The following PIK3C2G variants were observed in gnomAD, a reference collection of about 807,000 sequenced individuals.
PIK3C2G encodes the protein phosphatidylinositol-4-phosphate 3-kinase catalytic subunit type 2 gamma, also known as phosphatidylinositol 3-kinase C2 domain-containing subunit gamma.
PIK3C2G carries 168 observed loss-of-function variants against 181.1 expected under a neutral mutation model. The ratio of observed to expected loss-of-function variants is 0.93; its 90% CI spans 0.82 to 1.05. The LOEUF (loss-of-function observed/expected upper bound fraction) is 1.05. Among genes scored for constraint, PIK3C2G ranks in the 50% least tolerant of loss-of-function variants. The pLI, the probability that PIK3C2G is intolerant of heterozygous loss-of-function variation, is 0.00. For missense variants in PIK3C2G, 1,869 were observed against 1,732.8 expected (o/e 1.08, Z -1.40); for synonymous variants, 573 against 592.2 (o/e 0.97, Z 0.47).
At chr12:18,488,800 T>A (rs1422416896) in intron 19 of PIK3C2G, among the ~76,000 whole-genome samples, 171 bp downstream of exon 19, 1 of 152,102 alleles carries the variant, frequency 6.6e-6, no homozygotes, top group Non-Finnish European at 1.5e-5. Flanking sequence ...AAGTTAATGA[T>A]AATGTCTATC....
At chr12:18,481,802 T>TC (rs978002368) in intron 18 of PIK3C2G, among the ~76,000 whole-genome samples, 1 of 152,008 alleles carries the variant, frequency 6.6e-6, no homozygotes, top group Non-Finnish European at 1.5e-5. Context: ...GGGTCAAGGT[T>TC]CCCCAAAATT....
chr12:18,332,173 T>C (rs534409053), intron 8 of PIK3C2G, among the ~76,000 whole-genome samples: 1 of 152,290 alleles, frequency 6.6e-6, no homozygotes, highest in South Asian at 2.1e-4. Flanking sequence ...TATTATTGTC[T>C]GAGCTTACAG....
chr12:18,408,675 A>T (rs1944679782), intron 16 of PIK3C2G, among the ~76,000 whole-genome samples: 1 of 152,198 alleles, frequency 6.6e-6, no homozygotes, highest in African/African-American at 2.4e-5. Context: ...ACAAAGGGCT[A>T]ATATTCAGAA....
chr12:18,421,098 A>G lies in PIK3C2G; in HGVS notation c.2409+64A>G, dbSNP rs138615214. The stretch of plus-strand genomic sequence containing the variant: ...AACTAATTATCTCTAAAAGGTTCCT[A>G]ATGAATCAACAATAGTCTATCTAGA... On this transcript the variant is annotated intron_variant, in intron 17 of 32. Transcript: ENST00000538779. The G allele has an allele frequency of 4.7e-4, 430 of 914,204 alleles. 4 individuals carry two copies. In the African/African-American group the frequency reaches 6.3e-3, roughly 13 times the overall value. 56.6% of individuals were successfully genotyped at this position (914,204 alleles called of 1,614,324 possible).
chr12:18,704,124 G>T, the PIK3C2G span, among the ~76,000 whole-genome samples: 1 of 152,160 alleles, frequency 6.6e-6, no homozygotes, highest in Non-Finnish European at 1.5e-5. Context: ...TCAGGGAAAG[G>T]AAGTGGAGGT....
chr12:18,627,300 C>T lies in PIK3C2G; in HGVS notation c.4183-13129C>T, dbSNP rs537556766. Among the ~76,000 whole-genome samples, 34 of 151,980 alleles carry T rather than the reference C, an allele frequency of 2.2e-4. 1 individual carries two copies. In the South Asian group the frequency reaches 6.7e-3, roughly 30 times the overall value. Reference sequence around the variant, plus strand: ...TGTTTTCCAAATTTTACTTTTTGCCCATATATTCTTGGAGTTCATTGAATT... The same window carrying T: ...TGTTTTCCAAATTTTACTTTTTGCCTATATATTCTTGGAGTTCATTGAATT... On this transcript the variant is annotated intron_variant, in intron 31 of 32. Coordinates refer to ENST00000538779, the MANE Select transcript of PIK3C2G (RefSeq NM_001288772.2).
chr12:18,563,939 TTAATTATATA>T (rs1169889136), intron 28 of PIK3C2G, among the ~76,000 whole-genome samples: 2 of 149,674 alleles, frequency 1.3e-5, no homozygotes, highest in African/African-American at 4.9e-5. Flanking sequence ...ATATACATAT[TTAATTATATA>T]TAATTATATA....
In PIK3C2G at chr12:18,521,178, C is replaced by T. The variant is rs74068046; in HGVS notation, c.3323+15717C>T. Among the ~76,000 whole-genome samples, 952 of 152,248 alleles carry T rather than the reference C, an allele frequency of 6.3e-3. 9 individuals are homozygous for T. Among genetic ancestry groups the T allele is most frequent in the African/African-American group, 0.022 (910 of 41,526 alleles). The stretch of plus-strand genomic sequence containing the variant: ...CTGACCTGATGCCATTAGGAATGCT[C>T]CTGTATTGGGTGTCTGACAACCTCT... On this transcript the variant is annotated intron_variant, in intron 24 of 32. Coordinates refer to ENST00000538779, the MANE Select transcript of PIK3C2G (RefSeq NM_001288772.2).
intron 29 of PIK3C2G, among the ~76,000 whole-genome samples, chr12:18,582,311 C>A (rs1446759470): frequency 6.6e-6 from 1 of 152,072 alleles, no homozygotes; most frequent in Non-Finnish European, 1.5e-5. Flanking sequence ...ACCTCCCCAG[C>A]CCAGGGAAAT....
chr12:18,481,645 GTT>G (rs897326134), intron 18 of PIK3C2G, among the ~76,000 whole-genome samples: 1 of 151,606 alleles, frequency 6.6e-6, no homozygotes, highest in Non-Finnish European at 1.5e-5. Flanking sequence ...AAAGAAACAA[GTT>G]TTTTTTTAAA....
At chr12:18,592,334 T>C (rs1354705863) in intron 29 of PIK3C2G, among the ~76,000 whole-genome samples, 1 of 151,732 alleles carries the variant, frequency 6.6e-6, no homozygotes, top group Non-Finnish European at 1.5e-5. Flanking sequence ...TCAGAAGTGA[T>C]GGCAATAGAA....
At chr12:18,580,514 C>G (rs1946442265) in intron 29 of PIK3C2G, among the ~76,000 whole-genome samples, 1 of 152,078 alleles carries the variant, frequency 6.6e-6, no homozygotes, top group Admixed American at 6.6e-5. Flanking sequence ...TTGCTCTTTT[C>G]TTATTTGGAG....
At chr12:18,403,420 A>G (rs1944361131) in intron 16 of PIK3C2G, among the ~76,000 whole-genome samples, 1 of 152,186 alleles carries the variant, frequency 6.6e-6, no homozygotes, top group Non-Finnish European at 1.5e-5. Context: ...CTTGAGGACA[A>G]GCTGTTTCCA....
At chr12:18,264,346 T>C (rs1221140128) in intron 1 of PIK3C2G, among the ~76,000 whole-genome samples, 3 of 152,166 alleles carry the variant, frequency 2.0e-5, no homozygotes, top group African/African-American at 7.2e-5. Flanking sequence ...ACGTATTTAC[T>C]ATCATGTTCA....
intron 13 of PIK3C2G, 22 bp from the exon 14 acceptor site, chr12:18,381,744 G>A: frequency 7.6e-7 from 1 of 1,312,628 alleles, no homozygotes; most frequent in Non-Finnish European, 1.1e-6. Flanking sequence ...CTGTCTGTGT[G>A]TGTGTGTGTT....
chr12:18,566,771 G>A (rs948102904), intron 28 of PIK3C2G, among the ~76,000 whole-genome samples, 178 bp from the exon 29 acceptor site: 3 of 152,034 alleles, frequency 2.0e-5, no homozygotes, highest in African/African-American at 7.2e-5. Flanking sequence ...CATTAATATG[G>A]CATGAATGAC....
At chr12:18,683,407 C>G in the PIK3C2G span, 1 of 1,480,294 alleles carries the variant, frequency 6.8e-7, no homozygotes, top group Non-Finnish European at 9.4e-7. Flanking sequence ...AACAAGAGCT[C>G]TTTACTAAGC....
intron 17 of PIK3C2G, among the ~76,000 whole-genome samples, chr12:18,421,570 T>C (rs1945489437): frequency 6.6e-6 from 1 of 152,046 alleles, no homozygotes; most frequent in Admixed American, 6.6e-5. Flanking sequence ...AAAGACTGAT[T>C]TAGTCTGAAT....
intron 22 of PIK3C2G, among the ~76,000 whole-genome samples, chr12:18,502,427 C>G (rs1051115037): frequency 6.6e-6 from 1 of 152,096 alleles, no homozygotes; most frequent in Non-Finnish European, 1.5e-5. Flanking sequence ...GCAACTCCTG[C>G]AATTGTCGAG....
Sources: allele counts gnomAD v4.1 joint callset (sites outside exome capture counted in the v4.1 genomes callset), GRCh38; gene constraint gnomAD v4.1.1; transcripts MANE v1.5; gene names NCBI Gene and HGNC (gene_info 2026-07-23, HGNC 2026-07-21).